Variants in DACH1 observed in about 807,000 individuals in gnomAD.
DACH1 encodes the protein dachshund family transcription factor 1.
Under a neutral mutation model 54.2 loss-of-function variants are expected in DACH1, and 12 were observed. That is an observed-to-expected ratio of 0.22 (90% confidence interval 0.14 to 0.36). DACH1 has a LOEUF of 0.36. Among genes scored for constraint, DACH1 ranks in the 10% least tolerant of loss-of-function variants. The pLI is 1.00. For missense variants in DACH1, 805 were observed against 929.8 expected (o/e 0.87, Z 1.75); for synonymous variants, 386 against 366.2 (o/e 1.05, Z -0.62).
chr13:71,841,001 T>C (rs995721022), intron 1 of DACH1, among the ~76,000 whole-genome samples: 4 of 152,178 alleles, frequency 2.6e-5, no homozygotes, highest in Non-Finnish European at 4.4e-5. Flanking sequence ...AGGAGTATTT[T>C]ACTGTATGTT....
chr13:71,753,564 T>TG (rs1242843676), intron 1 of DACH1, among the ~76,000 whole-genome samples: 1 of 152,194 alleles, frequency 6.6e-6, no homozygotes, highest in Non-Finnish European at 1.5e-5. Flanking sequence ...TATCCAGGTC[T>TG]GAAAAAGTAC....
At chr13:71,771,350 T>TC (rs1250519187) in intron 1 of DACH1, among the ~76,000 whole-genome samples, 4 of 150,828 alleles carry the variant, frequency 2.7e-5, no homozygotes, top group African/African-American at 9.7e-5. Context: ...AATAAATAAA[T>TC]AAATAAATCT....
In DACH1 at chr13:71,607,475, A is replaced by C. The variant is rs77317756; in HGVS notation, c.1126+23081T>G. On this transcript the variant is annotated intron_variant, in intron 3 of 10. Transcript: ENST00000613252. ...CTGATATCGCTGTTACATGGAAAAA[A>C]GTAAGTCTTTTAAAAATACTGTGTT... Among the ~76,000 whole-genome samples, 767 of 152,178 alleles carry C rather than the reference A, an allele frequency of 5.0e-3. 9 individuals carry two copies. Among genetic ancestry groups the C allele is most frequent in the African/African-American group, 0.018 (741 of 41,578 alleles).
At chr13:71,670,006 T>C (rs190332249) in intron 2 of DACH1, among the ~76,000 whole-genome samples, 150 of 151,698 alleles carry the variant, frequency 9.9e-4, no homozygotes, top group Middle Eastern at 3.4e-3. Context: ...GACCTACTCA[T>C]TGTATCCTAA....
intron 1 of DACH1, among the ~76,000 whole-genome samples, chr13:71,733,588 GACAGC>G (rs1272583462): frequency 1.3e-5 from 2 of 152,112 alleles, no homozygotes; most frequent in African/African-American, 4.8e-5. Context: ...CAGTGGTTTA[GACAGC>G]ACACAGGAGC....
chr13:71,473,668 GCAGGACGATA>G (rs1877276520), intron 10 of DACH1, among the ~76,000 whole-genome samples: 1 of 152,014 alleles, frequency 6.6e-6, no homozygotes, highest in African/African-American at 2.4e-5. Flanking sequence ...TCATTTATAT[GCAGGACGATA>G]TTGTTTCAAT....
intron 3 of DACH1, among the ~76,000 whole-genome samples, chr13:71,613,059 T>C (rs1329123491): frequency 3.3e-5 from 5 of 152,200 alleles, no homozygotes; most frequent in African/African-American, 1.2e-4. Context: ...TTATAGATTG[T>C]GCAAAGTGCA....
At chr13:71,475,565 C>T (rs1462700007) in intron 9 of DACH1, 141 bp downstream of exon 9, 2 of 1,042,188 alleles carry the variant, frequency 1.9e-6, no homozygotes, top group Admixed American at 2.6e-5. Context: ...CCAACACGTT[C>T]TTCCCACCCT....
chr13:71,682,016 G>T (rs1329373077), intron 1 of DACH1, 106 bp from the exon 2 acceptor site: 1 of 601,704 alleles, frequency 1.7e-6, no homozygotes, highest in Non-Finnish European at 2.8e-6. Context: ...TTGTTTCAAG[G>T]ACGGTTGCTT....
At chr13:71,693,757 A>G (rs555127070) in intron 1 of DACH1, among the ~76,000 whole-genome samples, 1 of 152,170 alleles carries the variant, frequency 6.6e-6, no homozygotes, top group East Asian at 1.9e-4. Context: ...TACTTGTTCT[A>G]TTTTATTCTT....
intron 1 of DACH1, among the ~76,000 whole-genome samples, chr13:71,725,831 C>A (rs948031566): frequency 2.0e-5 from 3 of 152,052 alleles, no homozygotes; most frequent in African/African-American, 7.2e-5. Context: ...CATGCTTACA[C>A]ATGATTGATC....
rs749551628 is a variant in DACH1, at chr13:71,475,750, G to A, written c.1970C>T (p.Thr657Met). ...ATCTGTTGAAGCTGCCTGTTTTAGC[G>A]TCTGTTCTGCTTGTTCACGCCGTTT... ...ETKRREQAEQ[T>M]LKQAASTDSL... Residue 657 changes from threonine (T) to methionine (M), a missense_variant, in exon 9 of 11, where the codon ACG (threonine) becomes ATG (methionine). By Grantham distance (81) the Thr-to-Met change is moderately conservative. This residue lies in a region of DACH1 where 472 missense variants were observed against 545.3 expected (regional missense o/e 0.87). Coordinates refer to ENST00000613252, the MANE Select transcript of DACH1 (RefSeq NM_080759.6). The A allele has an allele frequency of 3.7e-5, 59 of 1,613,336 alleles. No homozygotes were observed. The highest frequency in any genetic ancestry group is 1.6e-4 in the Middle Eastern group (1 of 6,084).
Position 71,832,752 on chromosome 13 carries a change from A to G in DACH1, c.848+33170T>C, listed in dbSNP as rs958225074. On this transcript the variant is annotated intron_variant, in intron 1 of 10. Coordinates refer to ENST00000613252, the MANE Select transcript of DACH1 (RefSeq NM_080759.6). ...ATGTAAAAATGTAAGAGAAGGCATG[A>G]TATCCAGCCACCTAGGTTCAATTAA... Among the ~76,000 whole-genome samples, 48 of 151,962 alleles carry G rather than the reference A, an allele frequency of 3.2e-4. 1 individual carries two copies. Among genetic ancestry groups the G allele is most frequent in the Non-Finnish European group, 5.3e-4 (36 of 67,938 alleles).
chr13:71,727,600 A>T (rs1033262427), intron 1 of DACH1, among the ~76,000 whole-genome samples: 3 of 152,050 alleles, frequency 2.0e-5, no homozygotes, highest in African/African-American at 7.2e-5. Flanking sequence ...TTTAATGTTT[A>T]TTATTTGCTA....
chr13:71,506,405 C>T (rs1459001161), intron 6 of DACH1, among the ~76,000 whole-genome samples: 1 of 149,770 alleles, frequency 6.7e-6, no homozygotes, highest in African/African-American at 2.5e-5. Flanking sequence ...TTTGTTCTTG[C>T]GATAGTTTAC....
chr13:71,702,962 A>G (rs1328087109), intron 1 of DACH1, among the ~76,000 whole-genome samples: 1 of 152,202 alleles, frequency 6.6e-6, no homozygotes, highest in Non-Finnish European at 1.5e-5. Context: ...TATCTGTTTA[A>G]CAACTTATAG....
intron 2 of DACH1, among the ~76,000 whole-genome samples, chr13:71,638,561 T>A (rs1041479370): frequency 6.6e-6 from 1 of 152,176 alleles, no homozygotes; most frequent in African/African-American, 2.4e-5. Flanking sequence ...TACAGCCTTG[T>A]TTTTTTAATC....
At chr13:71,636,614 T>G (rs1877507367) in intron 2 of DACH1, among the ~76,000 whole-genome samples, 1 of 150,236 alleles carries the variant, frequency 6.7e-6, no homozygotes, top group Non-Finnish European at 1.5e-5. Context: ...TTGAGAAAGG[T>G]TTCTTTAAAA....
intron 1 of DACH1, among the ~76,000 whole-genome samples, chr13:71,713,220 C>T (rs906728112): frequency 6.6e-6 from 1 of 151,928 alleles, no homozygotes; most frequent in Non-Finnish European, 1.5e-5. Flanking sequence ...ATACTATCAA[C>T]CCAAGGGCTG....
Sources: gnomAD v4.1 joint callset for allele counts (sites outside exome capture counted in the v4.1 genomes callset) on GRCh38, gnomAD v4.1.1 for gene constraint, gnomAD v4.1.1 regional missense constraint, MANE v1.5 for transcripts, NCBI Gene and HGNC (gene_info 2026-07-23, HGNC 2026-07-21) for gene names.